RPS6KA2: variants seen among roughly 807,000 people sequenced by gnomAD.
RPS6KA2 encodes ribosomal protein S6 kinase A2, also known as ribosomal protein S6 kinase alpha-2.
A neutral mutation model predicts 91.8 loss-of-function variants in RPS6KA2; 42 were observed. The ratio of observed to expected loss-of-function variants is 0.46; its 90% CI spans 0.36 to 0.59. RPS6KA2 has a LOEUF of 0.59. Ranked by LOEUF, RPS6KA2 falls within the 20% of genes least tolerant of loss-of-function variation. The pLI is 0.00. For missense variants in RPS6KA2, 798 were observed against 978.5 expected, an observed-to-expected ratio of 0.82 and a Z score of 2.46; for synonymous variants, 414 against 393.6, an observed-to-expected ratio of 1.05 and a Z score of -0.61.
In RPS6KA2 at chr6:166,527,259, G is replaced by A. The variant is rs545267905; in HGVS notation, c.298+3973C>T. On this transcript the variant is annotated intron_variant, in intron 3 of 20. Transcript: ENST00000265678. ...CCCTTTCCTTCAGTGGCGGGGGAGGGTGAGGCCAACTTTGAAGGGAAAGAA... is the reference window on the plus strand; with the variant it reads ...CCCTTTCCTTCAGTGGCGGGGGAGGATGAGGCCAACTTTGAAGGGAAAGAA... Among the ~76,000 whole-genome samples the A allele has an allele frequency of 9.8e-5, 15 of 152,294 alleles. No homozygotes were observed. In the South Asian group the frequency reaches 3.1e-3, roughly 32 times the overall value.
At chr6:166,667,872 C>T (rs569023382) in intron 2 of RPS6KA2, among the ~76,000 whole-genome samples, 1 of 152,312 alleles carries the variant, frequency 6.6e-6, no homozygotes, top group East Asian at 1.9e-4. Context: ...CAGTGCCTGC[C>T]AGACTCTGAA....
chr6:166,418,233 C>A lies in RPS6KA2; in HGVS notation c.1930G>T (p.Ala644Ser). The part of the protein sequence containing the change: ...SGGNWDSISD[A>S]AKDVVSKMLH... The stretch of plus-strand genomic sequence containing the variant: ...CTGGGACATGTACTCACTTTAGCTG[C>A]GTCAGATATCGAGTCCCAGTTTCCC... Residue 644 changes from alanine to serine, a missense_variant, in exon 19 of 21, where the codon GCA becomes TCA. Ala to Ser is a moderately conservative substitution (Grantham distance 99, BLOSUM62 1). Transcript: ENST00000265678. The surrounding 1 kb of genome is among the most constrained non-coding windows in gnomAD (Gnocchi z 4.9). The A allele has an allele frequency of 6.2e-7, 1 of 1,601,514 alleles. No individual in the cohort carries two copies. The highest frequency in any genetic ancestry group is 8.6e-7 in the Non-Finnish European group (1 of 1,169,340).
intron 2 of RPS6KA2, among the ~76,000 whole-genome samples, chr6:166,671,223 T>TA (rs1384962140): frequency 1.3e-5 from 2 of 152,210 alleles, no homozygotes; most frequent in Non-Finnish European, 2.9e-5. Flanking sequence ...AAGTTGAAGA[T>TA]AGTCATTAAA....
At chr6:166,653,582 A>C (rs1210408500) in intron 2 of RPS6KA2, among the ~76,000 whole-genome samples, 1 of 152,208 alleles carries the variant, frequency 6.6e-6, no homozygotes, top group African/African-American at 2.4e-5. Context: ...AATAACCAGA[A>C]ATACAGCTGT....
chr6:166,679,681 G>A lies in RPS6KA2; in HGVS notation c.124-140897C>T, dbSNP rs542583038. On this transcript the variant is annotated intron_variant, in intron 2 of 21. Transcript: ENST00000503859. ...CCGCGCTCGAGGAGCCCTTCAGCCC[G>A]CTGCTGTGCTGTGGGGGCCCATCTC... Among the ~76,000 whole-genome samples the A allele has an allele frequency of 3.2e-4, 49 of 152,326 alleles. No homozygotes were observed. In the East Asian group the frequency reaches 8.1e-3, roughly 25 times the overall value.
intron 2 of RPS6KA2, among the ~76,000 whole-genome samples, chr6:166,755,806 T>C (rs1201071893): frequency 7.9e-5 from 12 of 152,164 alleles, no homozygotes; most frequent in South Asian, 2.1e-4. Flanking sequence ...AACAACTGCA[T>C]GAGAAGCTGA....
Position 166,732,038 on chromosome 6 carries a change from G to A in RPS6KA2, c.123+126162C>T, listed in dbSNP as rs114971370. ...ATTTTTTATTAGTGGTGGCTACTGA[G>A]GAGACGGGAAGGGATGGGATTGGGG... On this transcript the variant is annotated intron_variant, in intron 2 of 21. Coordinates refer to the RPS6KA2 transcript ENST00000503859. The surrounding 1 kb of genome is among the most constrained non-coding windows in gnomAD (Gnocchi z 4.0). Among the ~76,000 whole-genome samples the A allele has an allele frequency of 0.072, 11,002 of 152,218 alleles. 642 individuals carry two copies. The highest frequency in any genetic ancestry group is 0.16 in the African/African-American group (6,570 of 41,504).
Position 166,500,990 on chromosome 6 carries a change from G to A in RPS6KA2, c.567-66C>T. On this transcript the variant is annotated intron_variant, in intron 6 of 20. Coordinates refer to ENST00000265678, the MANE Select transcript of RPS6KA2 (RefSeq NM_021135.6). The surrounding 1 kb of genome is among the most constrained non-coding windows in gnomAD (Gnocchi z 4.3). ...CCCAGCCTGCCGACGGGCACGCAGA[G>A]CTCAGAGGAGAGCTGCGGGGCAGCT... The A allele has an allele frequency of 6.8e-7, 1 of 1,477,782 alleles. No homozygotes were observed. The highest frequency in any genetic ancestry group is 2.3e-5 in the East Asian group (1 of 44,106). 91.5% of individuals were successfully genotyped at this position (1,477,782 alleles called of 1,614,324 possible).
At chr6:166,667,223 T>C (rs1788341309) in intron 2 of RPS6KA2, among the ~76,000 whole-genome samples, 1 of 152,234 alleles carries the variant, frequency 6.6e-6, no homozygotes, top group Non-Finnish European at 1.5e-5. Flanking sequence ...AACTGCACAC[T>C]GACACATGCT....
intron 2 of RPS6KA2, among the ~76,000 whole-genome samples, chr6:166,788,219 T>A (rs1778982876): frequency 6.6e-6 from 1 of 152,220 alleles, no homozygotes; most frequent in Admixed American, 6.5e-5. Context: ...GAAATGGGAA[T>A]GCTTTTATGC....
intron 1 of RPS6KA2, among the ~76,000 whole-genome samples, chr6:166,583,733 C>T (rs559792064): frequency 4.6e-5 from 7 of 152,320 alleles, no homozygotes; most frequent in Non-Finnish European, 5.9e-5. Flanking sequence ...TGGCAGAAGA[C>T]GTATCTCACT....
rs9457186 is a variant in RPS6KA2, at chr6:166,578,802, G to A, written c.100-40018C>T. Among the ~76,000 whole-genome samples, 1,013 of 152,270 alleles carry A rather than the reference G, an allele frequency of 6.7e-3. 13 individuals carry two copies. Among genetic ancestry groups the A allele is most frequent in the African/African-American group, 0.02 (849 of 41,554 alleles). On this transcript the variant is annotated intron_variant, in intron 1 of 20. Transcript: ENST00000265678. ...TCAGCTCCGAGGTCTTCCACCATGC[G>A]CCTCGTGCATTTTCTACACAGAGAA...
At chr6:166,569,145 G>T (rs911400304) in intron 1 of RPS6KA2, among the ~76,000 whole-genome samples, 1 of 151,596 alleles carries the variant, frequency 6.6e-6, no homozygotes, top group African/African-American at 2.4e-5. Flanking sequence ...AGCATGTCCC[G>T]TATAATTATT....
At chr6:166,546,706 T>C (rs1053335024) in intron 1 of RPS6KA2, among the ~76,000 whole-genome samples, 4 of 152,194 alleles carry the variant, frequency 2.6e-5, no homozygotes, top group Non-Finnish European at 5.9e-5. Context: ...TCTACAACTA[T>C]CATCTTCTCC....
rs1156400645 is a variant in RPS6KA2, at chr6:166,783,046, AGGTATTATTATTATT to A, written c.123+75139_123+75153del. On this transcript the variant is annotated intron_variant, in intron 2 of 21. Coordinates refer to the RPS6KA2 transcript ENST00000503859. ...CTAAACTTGCTGCAGGGTATCTTTT[AGGTATTATTATTATT>A]ATTATTATTATTATTATTATTATTA... is the stretch of plus-strand genomic sequence containing the variant. Among the ~76,000 whole-genome samples the A allele has an allele frequency of 2.0e-3, 285 of 139,912 alleles. 1 individual carries two copies. The highest frequency in any genetic ancestry group is 7.3e-3 in the African/African-American group (270 of 37,184). 91.8% of individuals were successfully genotyped at this position (139,912 alleles called of 152,430 possible).
At chr6:166,688,672 T>A (rs947413186) in intron 2 of RPS6KA2, among the ~76,000 whole-genome samples, 1 of 152,220 alleles carries the variant, frequency 6.6e-6, no homozygotes, top group Non-Finnish European at 1.5e-5. Context: ...AGCGTCAGCG[T>A]GAGGCTGGCA....
At chr6:166,772,658 C>A (rs1356714536) in intron 2 of RPS6KA2, among the ~76,000 whole-genome samples, 1 of 152,214 alleles carries the variant, frequency 6.6e-6, no homozygotes, top group Non-Finnish European at 1.5e-5. Context: ...CCTCATTCCA[C>A]TCCATGACCT....
At chr6:166,444,961 G>A (rs1472532877) in intron 14 of RPS6KA2, among the ~76,000 whole-genome samples, 2 of 152,160 alleles carry the variant, frequency 1.3e-5, no homozygotes, top group South Asian at 2.1e-4. Context: ...GAACAATCTT[G>A]TCGTTTGATT....
intron 2 of RPS6KA2, among the ~76,000 whole-genome samples, chr6:166,789,025 G>A (rs1265732821): frequency 6.6e-6 from 1 of 152,136 alleles, no homozygotes; most frequent in Non-Finnish European, 1.5e-5. Flanking sequence ...GACAGCGGGT[G>A]CAGCATACCG....
Sources: gnomAD v4.1 joint callset for allele counts (sites outside exome capture counted in the v4.1 genomes callset) on GRCh38, gnomAD v4.1.1 for gene constraint, Gnocchi (gnomAD v3.1) non-coding constraint, MANE v1.5 for transcripts, NCBI Gene and HGNC (gene_info 2026-07-23, HGNC 2026-07-21) for gene names.